Variants in FOXJ3 observed in about 807,000 individuals in gnomAD.
FOXJ3 encodes the protein forkhead box J3.
Under a neutral mutation model 76.1 loss-of-function variants are expected in FOXJ3, and 22 were observed. The observed-to-expected ratio is 0.29, with a 90% CI of 0.21 to 0.41. The LOEUF is 0.41. FOXJ3 is among the 10% of genes least tolerant of loss of function. The pLI is 1.00. For missense variants in FOXJ3, 613 were observed against 762.1 expected, an observed-to-expected ratio of 0.80 and a Z score of 2.30; for synonymous variants, 269 against 261.2, an observed-to-expected ratio of 1.03 and a Z score of -0.29.
chr1:42,279,530 A>G (rs1652540812), intron 2 of FOXJ3, among the ~76,000 whole-genome samples: 1 of 152,224 alleles, frequency 6.6e-6, no homozygotes, highest in East Asian at 1.9e-4. Context: ...ATTTCTCTCC[A>G]AAGCTGAAAA....
At chr1:42,242,694 T>C (rs928221175) in intron 4 of FOXJ3, among the ~76,000 whole-genome samples, 1 of 151,984 alleles carries the variant, frequency 6.6e-6, no homozygotes, top group Non-Finnish European at 1.5e-5. Flanking sequence ...ATATGTGACA[T>C]ATGGGACACC....
chr1:42,253,305 A>G (rs112755246), intron 4 of FOXJ3, among the ~76,000 whole-genome samples: 1 of 150,072 alleles, frequency 6.7e-6, no homozygotes, highest in Admixed American at 6.6e-5. Flanking sequence ...TGCTCAAGGA[A>G]ATAAAAGAGG....
At chr1:42,314,020 T>A (rs1328193728) in intron 1 of FOXJ3, among the ~76,000 whole-genome samples, 1 of 152,220 alleles carries the variant, frequency 6.6e-6, no homozygotes, top group African/African-American at 2.4e-5. Context: ...CTTAATATAC[T>A]TCCTTCCTGG....
Position 42,194,908 on chromosome 1 carries a change from G to A in FOXJ3, c.916C>T (p.Gln306Ter), listed in dbSNP as rs1376851069. 2 of 1,598,360 alleles carry A rather than the reference G, an allele frequency of 1.3e-6. No homozygotes were observed. Among genetic ancestry groups the A allele is most frequent in the Non-Finnish European group, 1.7e-6 (2 of 1,174,818 alleles). The change falls in exon 8 of 13, where the codon CAG (glutamine) becomes TAG (stop). Residue 306 changes from glutamine (Q) to a stop codon, truncating the protein, a stop_gained. Transcript: ENST00000361346. LOFTEE classifies it high-confidence loss of function. ...FRSLYKSVFE[Q>*]SLSQQGLMNI... ...AACTCACCTTGTTGACTAAGTGACTGCTCAAAAACTGACTTATAAAGGCTC... is the reference window on the plus strand; with the variant it reads ...AACTCACCTTGTTGACTAAGTGACTACTCAAAAACTGACTTATAAAGGCTC...
At position 42,314,747 on chromosome 1, in the gene FOXJ3, C is replaced by T. The variant is rs150092377; in HGVS notation, c.-17-3637G>A. Reference sequence around the variant, plus strand: ...TCTACAATATAGGTTTTATCAAAAACAAAGGCAACTCCTTTGAAAGTTAAA... The same window carrying T: ...TCTACAATATAGGTTTTATCAAAAATAAAGGCAACTCCTTTGAAAGTTAAA... On this transcript the variant is annotated intron_variant, in intron 1 of 12. Transcript: ENST00000361346. Among the ~76,000 whole-genome samples the T allele has an allele frequency of 1.3e-3, 191 of 152,280 alleles. 2 individuals are homozygous for T. The highest frequency in any genetic ancestry group is 4.4e-3 in the African/African-American group (184 of 41,572).
chr1:42,250,793 C>G (rs1374806563), intron 4 of FOXJ3, among the ~76,000 whole-genome samples: 1 of 102,662 alleles, frequency 9.7e-6, no homozygotes, highest in East Asian at 3.2e-4. Context: ...GACAAAACTC[C>G]ATCTCAAAAA....
At chr1:42,227,753 G>A (rs1647689447) in intron 5 of FOXJ3, 130 bp downstream of exon 5, 1 of 455,614 alleles carries the variant, frequency 2.2e-6, no homozygotes, top group African/African-American at 2.0e-5. Context: ...TCTGAAAAAT[G>A]TAAAATGCTA....
At chr1:42,269,235 A>C (rs1440056428) in intron 3 of FOXJ3, among the ~76,000 whole-genome samples, 1 of 152,176 alleles carries the variant, frequency 6.6e-6, no homozygotes, top group East Asian at 1.9e-4. Context: ...CAAATCTAAA[A>C]TAAGACATGA....
intron 5 of FOXJ3, among the ~76,000 whole-genome samples, chr1:42,208,718 G>C (rs1399735400): frequency 6.6e-6 from 1 of 152,170 alleles, no homozygotes; most frequent in Non-Finnish European, 1.5e-5. Flanking sequence ...AGGAACTAGA[G>C]ATGCTCTTCG....
In FOXJ3 at chr1:42,181,925, G is replaced by A. The variant is rs140648908; in HGVS notation, c.1745C>T (p.Thr582Met). Reference protein sequence around the residue: ...IPQALSTPGTTMAGHHRAMNQ... With the variant: ...IPQALSTPGTMMAGHHRAMNQ... ...CTCTCTCTCTCTCTTACCTGCCATCGTTGTTCCTGGAGTGCTGAGTGCCTG... is the reference window on the plus strand; with the variant it reads ...CTCTCTCTCTCTCTTACCTGCCATCATTGTTCCTGGAGTGCTGAGTGCCTG... Residue 582 changes from threonine to methionine, a missense_variant, in exon 12 of 13, where the codon ACG (threonine) becomes ATG (methionine). Transcript: ENST00000361346. 3.8e-6 allele frequency: 6 copies of A among 1,598,132 alleles called. No individual in the cohort carries two copies. Among genetic ancestry groups the A allele is most frequent in the African/African-American group, 2.7e-5 (2 of 74,140 alleles).
chr1:42,226,503 G>A (rs1647581058), intron 5 of FOXJ3, among the ~76,000 whole-genome samples: 1 of 152,136 alleles, frequency 6.6e-6, no homozygotes, highest in Non-Finnish European at 1.5e-5. Flanking sequence ...CAGCTACTTG[G>A]GAGGCTGAGT....
At chr1:42,237,427 T>TACAC (rs1553161299) in intron 4 of FOXJ3, among the ~76,000 whole-genome samples, 15 of 129,922 alleles carry the variant, frequency 1.2e-4, no homozygotes, top group African/African-American at 4.1e-4. Context: ...TATATATATA[T>TACAC]ACATACATAC....
intron 4 of FOXJ3, among the ~76,000 whole-genome samples, chr1:42,245,578 C>G (rs994686187): frequency 6.6e-6 from 1 of 152,130 alleles, no homozygotes; most frequent in South Asian, 2.1e-4. Flanking sequence ...ATCATATGAT[C>G]ATTTCAAGAG....
intron 4 of FOXJ3, among the ~76,000 whole-genome samples, chr1:42,259,373 A>AT (rs1024150592): frequency 2.0e-5 from 3 of 152,062 alleles, no homozygotes; most frequent in African/African-American, 2.4e-5. Context: ...ACCATATATA[A>AT]TTTTTTTTAA....
intron 1 of FOXJ3, among the ~76,000 whole-genome samples, chr1:42,334,601 G>A (rs1395482834): frequency 1.3e-5 from 2 of 152,238 alleles, no homozygotes; most frequent in Non-Finnish European, 2.9e-5. Flanking sequence ...AAGGCGTGAG[G>A]TACAGCCCGC....
At chr1:42,184,199 C>T (rs1056485982) in intron 11 of FOXJ3, among the ~76,000 whole-genome samples, 3 of 152,096 alleles carry the variant, frequency 2.0e-5, no homozygotes, top group Non-Finnish European at 4.4e-5. Flanking sequence ...ATACCCACAA[C>T]TTCCCTGTCT....
intron 5 of FOXJ3, among the ~76,000 whole-genome samples, chr1:42,215,422 C>A (rs1647046144): frequency 6.6e-6 from 1 of 151,704 alleles, no homozygotes; most frequent in Non-Finnish European, 1.5e-5. Context: ...AGTAACCAAT[C>A]TGAAGAATCA....
At chr1:42,301,235 A>C (rs1192137544) in intron 2 of FOXJ3, among the ~76,000 whole-genome samples, 1 of 151,768 alleles carries the variant, frequency 6.6e-6, no homozygotes, top group Non-Finnish European at 1.5e-5. Context: ...TCACTCTGTC[A>C]CCCAGTCTGG....
intron 2 of FOXJ3, among the ~76,000 whole-genome samples, chr1:42,308,315 G>T (rs1340698372): frequency 2.6e-5 from 4 of 152,176 alleles, no homozygotes; most frequent in African/African-American, 4.8e-5. Context: ...TACTCCTATT[G>T]GGTAGTGTAG....
Sources: allele counts gnomAD v4.1 joint callset (sites outside exome capture counted in the v4.1 genomes callset), GRCh38; gene constraint gnomAD v4.1.1; transcripts MANE v1.5; gene names NCBI Gene and HGNC (gene_info 2026-07-23, HGNC 2026-07-21).